The following TECR variants were observed in gnomAD, a reference collection of about 807,000 sequenced individuals.
TECR encodes very-long-chain enoyl-CoA reductase.
In TECR, 19 loss-of-function variants were observed where a neutral mutation model predicts 50.6. The ratio of observed to expected loss-of-function variants is 0.38; its 90% CI spans 0.26 to 0.55. TECR has a LOEUF of 0.55. TECR is among the 20% of genes least tolerant of loss of function. TECR has a pLI of 0.79. For missense variants in TECR, 313 were observed against 408.3 expected (o/e 0.77, Z 2.01); for synonymous variants, 168 against 163.5 (o/e 1.03, Z -0.21).
Position 14,565,896 on chromosome 19 carries a change from C to T in TECR, c.*25C>T. The T allele has an allele frequency of 1.9e-6, 3 of 1,564,378 alleles. No individual in the cohort carries two copies. Among genetic ancestry groups the T allele is most frequent in the Non-Finnish European group, 2.6e-6 (3 of 1,156,884 alleles). ...AGCGCTCACCCCTGCTGAGGCTCAG[C>T]CCCTCAACCCGGTGGCATTCTGGGG... On this transcript the variant is annotated 3_prime_UTR_variant, in exon 13 of 13. Coordinates refer to ENST00000215567, the MANE Select transcript of TECR (RefSeq NM_138501.6).
At chr19:14,559,918 A>C (rs147655248) in intron 1 of TECR, among the ~76,000 whole-genome samples, 1 of 152,288 alleles carries the variant, frequency 6.6e-6, no homozygotes, top group East Asian at 1.9e-4. Context: ...TGGGGCAGGA[A>C]ATGGGAGACG....
intron 1 of TECR, among the ~76,000 whole-genome samples, chr19:14,535,543 A>AATATATATATAT (rs747348455): frequency 1.8e-4 from 6 of 32,688 alleles, no homozygotes; most frequent in Non-Finnish European, 2.8e-4. Context: ...AAAAAAAAAA[A>AATATATATATAT]ATATATATAT....
In TECR at chr19:14,564,232, C is replaced by T. The variant is rs2073990944; in HGVS notation, c.434C>T (p.Thr145Met). The change falls in exon 7 of 13, where the codon ACG becomes ATG. Residue 145 changes from threonine to methionine, a missense_variant. By Grantham distance (81) the Thr-to-Met change is moderately conservative (BLOSUM62 -1). Coordinates refer to ENST00000215567, the MANE Select transcript of TECR (RefSeq NM_138501.6). ...SFHYIKRLLE[T>M]LFVHRFSHGT... The stretch of plus-strand genomic sequence containing the variant: ...CACTACATCAAGCGCCTGCTGGAGA[C>T]GCTCTTCGTGCACCGCTTCTCCCAT... The T allele has an allele frequency of 1.2e-6, 2 of 1,608,064 alleles. No homozygotes were observed. Among genetic ancestry groups the T allele is most frequent in the South Asian group, 1.1e-5 (1 of 91,080 alleles).
intron 1 of TECR, among the ~76,000 whole-genome samples, chr19:14,550,370 G>A (rs1353703176): frequency 6.6e-6 from 1 of 152,142 alleles, no homozygotes; most frequent in Non-Finnish European, 1.5e-5. Flanking sequence ...TGAGCTCATG[G>A]GGGTGGACTA....
chr19:14,542,909 G>A (rs1035906903), intron 1 of TECR, among the ~76,000 whole-genome samples: 2 of 151,992 alleles, frequency 1.3e-5, no homozygotes, highest in East Asian at 1.9e-4. Flanking sequence ...AGGCTCTTAC[G>A]TAAGCAGAGC....
chr19:14,558,947 G>T (rs2073825189), intron 1 of TECR, among the ~76,000 whole-genome samples: 1 of 152,234 alleles, frequency 6.6e-6, no homozygotes, highest in Non-Finnish European at 1.5e-5. Flanking sequence ...TCCCCTGGGA[G>T]CCCCTGCCCC....
intron 1 of TECR, among the ~76,000 whole-genome samples, chr19:14,544,489 G>C (rs191207557): frequency 1.5e-3 from 221 of 152,226 alleles, no homozygotes; most frequent in African/African-American, 5.1e-3. Context: ...GCATGATCTC[G>C]GGGTGTGCGG....
At chr19:14,533,861 G>T (rs182860897) in intron 1 of TECR, 1 of 152,094 alleles carries the variant, frequency 6.6e-6, no homozygotes, top group Non-Finnish European at 1.5e-5. Context: ...GTCGGTAAGC[G>T]AACTGCTTAT....
At chr19:14,530,727 G>T (rs2146545209) in intron 1 of TECR, 1 of 152,194 alleles carries the variant, frequency 6.6e-6, no homozygotes, top group East Asian at 1.9e-4. Context: ...AAAAATAGCA[G>T]GTCGAGCGAT....
intron 1 of TECR, among the ~76,000 whole-genome samples, chr19:14,541,219 C>G (rs1412588652): frequency 1.3e-5 from 2 of 152,212 alleles, no homozygotes; most frequent in Admixed American, 6.5e-5. Context: ...TTCAAGTGAT[C>G]TCCTGCCTCA....
chr19:14,564,911 C>T (rs1294204218), intron 8 of TECR, 38 bp from the exon 9 acceptor site: 16 of 1,613,960 alleles, frequency 9.9e-6, no homozygotes, highest in Non-Finnish European at 1.4e-5. Flanking sequence ...CCCAGCGGGT[C>T]CTCCCCTCAT....
intron 1 of TECR, among the ~76,000 whole-genome samples, chr19:14,552,620 C>T (rs374432030): frequency 5.7e-4 from 86 of 151,914 alleles, no homozygotes; most frequent in Admixed American, 9.2e-4. Context: ...CTGCAAGCTC[C>T]GCCTCCCGGG....
chr19:14,558,015 A>G (rs2073791446), intron 1 of TECR, among the ~76,000 whole-genome samples: 1 of 152,078 alleles, frequency 6.6e-6, no homozygotes. Flanking sequence ...TCGGCCTCCC[A>G]AAGTGCTGGC....
intron 2 of TECR, among the ~76,000 whole-genome samples, chr19:14,562,803 C>T (rs1395553791): frequency 1.3e-5 from 2 of 151,962 alleles, no homozygotes; most frequent in Admixed American, 1.3e-4. Context: ...CCTGGGAGGG[C>T]GGTGGAGGAG....
chr19:14,528,585 G>A (rs779392640), upstream of TECR, among the ~76,000 whole-genome samples: 1 of 152,066 alleles, frequency 6.6e-6, no homozygotes, highest in Non-Finnish European at 1.5e-5. Flanking sequence ...GGAGCCACTA[G>A]ACACGATTCT....
chr19:14,546,255 G>T (rs2073303181), intron 1 of TECR, among the ~76,000 whole-genome samples: 1 of 146,090 alleles, frequency 6.8e-6, no homozygotes, highest in Middle Eastern at 3.2e-3. Flanking sequence ...AACTCAGAAG[G>T]AATTCTAGAT....
At chr19:14,551,067 A>G (rs1368616898) in intron 1 of TECR, among the ~76,000 whole-genome samples, 5 of 151,584 alleles carry the variant, frequency 3.3e-5, no homozygotes, top group Admixed American at 3.3e-4. Context: ...ATCTGCAAAG[A>G]CACTATTTTT....
chr19:14,555,527 C>T (rs537944989), intron 1 of TECR, among the ~76,000 whole-genome samples: 133 of 149,550 alleles, frequency 8.9e-4, no homozygotes, highest in African/African-American at 2.4e-3. Context: ...CTCACCACAA[C>T]CTCCATCTCC....
chr19:14,551,302 T>A (rs2146601912), intron 1 of TECR, among the ~76,000 whole-genome samples: 1 of 152,102 alleles, frequency 6.6e-6, no homozygotes, highest in Non-Finnish European at 1.5e-5. Context: ...CTCGAACTCC[T>A]GACCTCAGGT....
Sources: allele counts gnomAD v4.1 joint callset (sites outside exome capture counted in the v4.1 genomes callset), GRCh38; gene constraint gnomAD v4.1.1; transcripts MANE v1.5; gene names NCBI Gene and HGNC (gene_info 2026-07-23, HGNC 2026-07-21).